MAML3: variants seen among roughly 807,000 people sequenced by gnomAD.
MAML3 encodes the protein mastermind-like protein 3.
In MAML3, 27 loss-of-function variants were observed where a neutral mutation model predicts 101.9. The observed-to-expected ratio is 0.27, with a 90% confidence interval of 0.20 to 0.37. The LOEUF (loss-of-function observed/expected upper bound fraction) is 0.37, where lower values mean the gene tolerates loss of function less well. Among genes scored for constraint, MAML3 ranks in the 10% least tolerant of loss-of-function variants. MAML3 has a pLI of 1.00. For missense variants in MAML3, 1,316 were observed against 1,444.9 expected (o/e 0.91, Z 1.45); for synonymous variants, 501 against 555.9 (o/e 0.90, Z 1.39).
At chr4:139,770,918 A>C (rs1328409238) in intron 2 of MAML3, among the ~76,000 whole-genome samples, 1 of 152,208 alleles carries the variant, frequency 6.6e-6, no homozygotes, top group African/African-American at 2.4e-5. Flanking sequence ...AGAGAATACC[A>C]GGTTGGGAAC....
At chr4:139,767,538 T>G (rs1413508229) in intron 2 of MAML3, among the ~76,000 whole-genome samples, 4 of 152,260 alleles carry the variant, frequency 2.6e-5, no homozygotes, top group Non-Finnish European at 5.9e-5. Context: ...CTTCCGACTT[T>G]GTCTTACTAT....
intron 2 of MAML3, among the ~76,000 whole-genome samples, chr4:139,731,767 G>C (rs937469586): frequency 3.3e-5 from 5 of 152,210 alleles, no homozygotes; most frequent in African/African-American, 1.2e-4. Flanking sequence ...AAGTGGTAAA[G>C]ACCTAATTCC....
At chr4:139,877,939 T>A (rs1732145704) in intron 2 of MAML3, among the ~76,000 whole-genome samples, 1 of 152,204 alleles carries the variant, frequency 6.6e-6, no homozygotes, top group South Asian at 2.1e-4. Context: ...TCCTTTTATC[T>A]TGTCATTTAT....
chr4:140,067,256 A>G (rs1273578431), intron 1 of MAML3, among the ~76,000 whole-genome samples: 1 of 152,060 alleles, frequency 6.6e-6, no homozygotes, highest in East Asian at 1.9e-4. Flanking sequence ...AGAGAATAAG[A>G]AAGAAGAGAC....
At chr4:139,978,593 T>C (rs1387122963) in intron 1 of MAML3, among the ~76,000 whole-genome samples, 2 of 125,680 alleles carry the variant, frequency 1.6e-5, no homozygotes, top group African/African-American at 5.8e-5. Flanking sequence ...TCCCATGACT[T>C]CCCAGCATCA....
At chr4:139,726,716 C>G (rs553528094) in intron 3 of MAML3, among the ~76,000 whole-genome samples, 13 of 152,310 alleles carry the variant, frequency 8.5e-5, no homozygotes, top group African/African-American at 3.1e-4. Flanking sequence ...TTTGAGGAAA[C>G]CATGTGGGAT....
At chr4:139,842,189 G>A (rs1192723485) in intron 2 of MAML3, among the ~76,000 whole-genome samples, 1 of 152,174 alleles carries the variant, frequency 6.6e-6, no homozygotes, top group Non-Finnish European at 1.5e-5. Flanking sequence ...GATCAACCTG[G>A]GCACTGTGAC....
intron 1 of MAML3, 121 bp from the exon 2 acceptor site, chr4:139,891,088 T>C: frequency 8.5e-7 from 1 of 1,178,528 alleles, no homozygotes; most frequent in Non-Finnish European, 1.2e-6. Flanking sequence ...AGGAAAGAAG[T>C]CATACTTATA....
intron 1 of MAML3, among the ~76,000 whole-genome samples, chr4:140,083,474 T>C (rs1195034713): frequency 6.6e-6 from 1 of 152,196 alleles, no homozygotes; most frequent in African/African-American, 2.4e-5. Flanking sequence ...GAATCTTAAG[T>C]AGTCAGAAAA....
At chr4:140,058,118 GAAGTT>G (rs1465540902) in intron 1 of MAML3, among the ~76,000 whole-genome samples, 1 of 152,106 alleles carries the variant, frequency 6.6e-6, no homozygotes, top group Non-Finnish European at 1.5e-5. Flanking sequence ...ATTCATTTAA[GAAGTT>G]AAAAGGTACC....
At chr4:139,886,794 T>C (rs1209439520) in intron 2 of MAML3, among the ~76,000 whole-genome samples, 1 of 152,202 alleles carries the variant, frequency 6.6e-6, no homozygotes, top group Non-Finnish European at 1.5e-5. Context: ...TAAAACACAT[T>C]CAAAATTTTG....
intron 1 of MAML3, among the ~76,000 whole-genome samples, chr4:140,137,652 T>C (rs1345408812): frequency 1.3e-5 from 2 of 152,344 alleles, no homozygotes; most frequent in Admixed American, 6.5e-5. Context: ...TCTTTGTTAA[T>C]AGAGTAATGA....
chr4:139,726,080 T>C (rs976296155), intron 3 of MAML3, among the ~76,000 whole-genome samples: 1 of 152,224 alleles, frequency 6.6e-6, no homozygotes, highest in Non-Finnish European at 1.5e-5. Context: ...GAGCCCCTCG[T>C]GCCCCTTCCA....
chr4:139,821,932 A>G (rs1368043215), intron 2 of MAML3, among the ~76,000 whole-genome samples: 1 of 152,212 alleles, frequency 6.6e-6, no homozygotes, highest in Admixed American at 6.5e-5. Flanking sequence ...CATGCTCACA[A>G]CTGCCTATGG....
chr4:139,933,117 G>GAGAA lies in MAML3; in HGVS notation c.469-42154_469-42151dup, dbSNP rs1245570511. Reference sequence around the variant, plus strand: ...TCCTATGAGGAGACAGAGATGTGGAGAGAAAGAAAGAAAGAGAAAAGAAGG... The same window carrying GAGAA: ...TCCTATGAGGAGACAGAGATGTGGAGAGAAAGAAAGAAAGAAAGAGAAAAGAAGG... On this transcript the variant is annotated intron_variant, in intron 1 of 4. Coordinates refer to ENST00000509479, the MANE Select transcript of MAML3 (RefSeq NM_018717.5). 5.3e-5 allele frequency among the ~76,000 whole-genome samples: 8 copies of GAGAA among 152,160 alleles called. No individual in the cohort carries two copies. The East Asian group carries it at 1.4e-3, about 26-fold the overall frequency.
chr4:139,862,823 C>T (rs931110105), intron 2 of MAML3, among the ~76,000 whole-genome samples: 1 of 152,158 alleles, frequency 6.6e-6, no homozygotes, highest in Non-Finnish European at 1.5e-5. Flanking sequence ...TGGAAAAGCT[C>T]GGAATATGGA....
intron 2 of MAML3, among the ~76,000 whole-genome samples, chr4:139,806,624 C>G (rs141758910): frequency 8.3e-4 from 126 of 152,144 alleles, no homozygotes; most frequent in African/African-American, 2.8e-3. Context: ...TGAAAACAGT[C>G]AGAAATTCCA....
At chr4:140,067,352 C>T (rs1727556596) in intron 1 of MAML3, among the ~76,000 whole-genome samples, 1 of 152,032 alleles carries the variant, frequency 6.6e-6, no homozygotes, top group Non-Finnish European at 1.5e-5. Flanking sequence ...TCAAAATGGC[C>T]AAGAGTTTGC....
chr4:139,765,676 A>G (rs1344639691), intron 2 of MAML3, among the ~76,000 whole-genome samples: 3 of 152,212 alleles, frequency 2.0e-5, no homozygotes, highest in Non-Finnish European at 4.4e-5. Flanking sequence ...GAAGTCTACA[A>G]TCTTTTCCAC....
Sources: gnomAD v4.1 joint callset for allele counts (sites outside exome capture counted in the v4.1 genomes callset) on GRCh38, gnomAD v4.1.1 for gene constraint, MANE v1.5 for transcripts, NCBI Gene and HGNC (gene_info 2026-07-23, HGNC 2026-07-21) for gene names.